TRABD2B: variants seen among roughly 807,000 people sequenced by gnomAD.
The protein encoded by TRABD2B is TraB domain containing 2B, also known as metalloprotease TIKI2.
Under a neutral mutation model 40.1 loss-of-function variants are expected in TRABD2B, and 14 were observed. The observed-to-expected ratio is 0.35, with a 90% CI of 0.23 to 0.55. TRABD2B has a LOEUF of 0.55. Among genes scored for constraint, TRABD2B ranks in the 20% least tolerant of loss-of-function variants. The pLI is 0.90. For missense variants in TRABD2B, 541 were observed against 648.6 expected (o/e 0.83, Z 1.80); for synonymous variants, 263 against 277.0 (o/e 0.95, Z 0.50).
At chr1:47,920,330 T>C (rs1288912145) in intron 2 of TRABD2B, among the ~76,000 whole-genome samples, 4 of 152,208 alleles carry the variant, frequency 2.6e-5, no homozygotes, top group Non-Finnish European at 5.9e-5. Flanking sequence ...TTAATCCCCG[T>C]CAAATTAGAG....
At chr1:47,770,355 T>C (rs931802454) in intron 6 of TRABD2B, among the ~76,000 whole-genome samples, 3 of 152,194 alleles carry the variant, frequency 2.0e-5, no homozygotes, top group Non-Finnish European at 4.4e-5. Context: ...TCTGGGTATC[T>C]AGGACTTTGT....
intron 2 of TRABD2B, among the ~76,000 whole-genome samples, chr1:47,990,599 T>A (rs1177334268): frequency 6.6e-6 from 1 of 150,902 alleles, no homozygotes; most frequent in Non-Finnish European, 1.5e-5. Flanking sequence ...AAAACCAACA[T>A]CCAAGTAGTC....
intron 2 of TRABD2B, among the ~76,000 whole-genome samples, chr1:47,824,770 T>G (rs1225138796): frequency 6.6e-6 from 1 of 152,152 alleles, no homozygotes. Context: ...TTCCATTGTT[T>G]CCGGGCCCAG....
chr1:47,988,970 G>A (rs1013445819), intron 2 of TRABD2B, among the ~76,000 whole-genome samples: 3 of 152,206 alleles, frequency 2.0e-5, no homozygotes, highest in Non-Finnish European at 2.9e-5. Context: ...ATGAAGAGGT[G>A]GAACTTCTGG....
intron 2 of TRABD2B, among the ~76,000 whole-genome samples, chr1:47,894,318 C>G (rs1171405486): frequency 6.6e-6 from 1 of 152,144 alleles, no homozygotes; most frequent in Non-Finnish European, 1.5e-5. Flanking sequence ...TATAATGGTA[C>G]TTGGTTACTG....
At chr1:47,903,300 C>T (rs1303640426) in intron 2 of TRABD2B, among the ~76,000 whole-genome samples, 3 of 152,184 alleles carry the variant, frequency 2.0e-5, no homozygotes, top group South Asian at 2.1e-4. Flanking sequence ...GCTTCTGACA[C>T]CCCTCTGCCT....
At chr1:47,901,967 G>A (rs1447582663) in intron 2 of TRABD2B, among the ~76,000 whole-genome samples, 1 of 152,104 alleles carries the variant, frequency 6.6e-6, no homozygotes, top group Non-Finnish European at 1.5e-5. Context: ...CCTAGAAACA[G>A]GCAGCTACTG....
At chr1:47,906,185 T>C (rs529934814) in intron 2 of TRABD2B, among the ~76,000 whole-genome samples, 127 of 152,324 alleles carry the variant, frequency 8.3e-4, no homozygotes, top group African/African-American at 3.1e-3. Flanking sequence ...AGAAAAACAC[T>C]ATTGGCTACA....
At chr1:47,881,088 C>A (rs1020082468) in intron 2 of TRABD2B, among the ~76,000 whole-genome samples, 1 of 152,212 alleles carries the variant, frequency 6.6e-6, no homozygotes, top group African/African-American at 2.4e-5. Context: ...CACCGCAGGG[C>A]ATGGGCCTCC....
intron 2 of TRABD2B, among the ~76,000 whole-genome samples, chr1:47,950,061 G>A (rs970263795): frequency 2.0e-5 from 3 of 152,096 alleles, no homozygotes; most frequent in African/African-American, 7.2e-5. Context: ...CAAGGCAGAC[G>A]GATCACGAGG....
intron 2 of TRABD2B, among the ~76,000 whole-genome samples, chr1:47,919,913 G>C (rs1403694396): frequency 1.3e-5 from 2 of 152,210 alleles, no homozygotes; most frequent in African/African-American, 4.8e-5. Flanking sequence ...GGTTGAGAGG[G>C]CTCCTGGATG....
chr1:47,995,517 T>C (rs1195233956), intron 1 of TRABD2B, among the ~76,000 whole-genome samples: 2 of 151,874 alleles, frequency 1.3e-5, no homozygotes, highest in Admixed American at 6.6e-5. Flanking sequence ...TGTGTGTGTG[T>C]GTGCGCGTGT....
intron 2 of TRABD2B, among the ~76,000 whole-genome samples, chr1:47,980,820 G>T (rs1276925602): frequency 6.6e-6 from 1 of 152,038 alleles, no homozygotes; most frequent in Admixed American, 6.6e-5. Context: ...CCTAGAAAAT[G>T]GACTATCTCA....
intron 2 of TRABD2B, among the ~76,000 whole-genome samples, chr1:47,860,041 G>T (rs558193062): frequency 1.3e-5 from 2 of 152,284 alleles, no homozygotes; most frequent in Non-Finnish European, 2.9e-5. Flanking sequence ...GCACTACCTT[G>T]TGTGCCTCCC....
At chr1:47,980,953 C>T (rs773312179) in intron 2 of TRABD2B, among the ~76,000 whole-genome samples, 2 of 152,158 alleles carry the variant, frequency 1.3e-5, no homozygotes, top group Non-Finnish European at 2.9e-5. Context: ...GAAGGGCTGT[C>T]GCCTCTACTC....
chr1:47,885,082 A>T (rs1389619280), intron 2 of TRABD2B, among the ~76,000 whole-genome samples: 1 of 151,528 alleles, frequency 6.6e-6, no homozygotes, highest in Admixed American at 6.6e-5. Flanking sequence ...GGTCCAATTC[A>T]CCTCTCCAGC....
chr1:47,849,026 A>G (rs1645511112), intron 2 of TRABD2B, among the ~76,000 whole-genome samples: 1 of 152,120 alleles, frequency 6.6e-6, no homozygotes, highest in Admixed American at 6.5e-5. Context: ...GCCTGATGTG[A>G]GCTCTGCAGC....
chr1:47,956,904 C>T (rs998184165), intron 2 of TRABD2B, among the ~76,000 whole-genome samples: 1 of 152,260 alleles, frequency 6.6e-6, no homozygotes, highest in Non-Finnish European at 1.5e-5. Flanking sequence ...GACAGACTGC[C>T]TCCTCAAGTG....
chr1:47,952,794 A>G lies in TRABD2B; in HGVS notation c.666+41240T>C, dbSNP rs557889120. On this transcript the variant is annotated intron_variant, in intron 2 of 6. Transcript: ENST00000606738. Reference sequence around the variant, plus strand: ...ACTGAACACCAAATGAGCAAAATGAACTATCCCCAGTCTTACAGAACTACT... The same window carrying G: ...ACTGAACACCAAATGAGCAAAATGAGCTATCCCCAGTCTTACAGAACTACT... Among the ~76,000 whole-genome samples the G allele has an allele frequency of 1.2e-4, 18 of 152,266 alleles. No homozygotes were observed. In the East Asian group the frequency reaches 3.1e-3, roughly 26 times the overall value.
Sources: allele counts gnomAD v4.1 joint callset (sites outside exome capture counted in the v4.1 genomes callset), GRCh38; gene constraint gnomAD v4.1.1; transcripts MANE v1.5; gene names NCBI Gene and HGNC (gene_info 2026-07-23, HGNC 2026-07-21).